PTPRQ: variants seen among roughly 807,000 people sequenced by gnomAD.
The protein encoded by PTPRQ is protein tyrosine phosphatase receptor type Q.
A neutral mutation model predicts 246.0 loss-of-function variants in PTPRQ; 199 were observed. The ratio of observed to expected loss-of-function variants is 0.81; its 90% CI spans 0.72 to 0.91. The LOEUF (loss-of-function observed/expected upper bound fraction) is 0.91. Among genes scored for constraint, PTPRQ ranks in the 40% least tolerant of loss-of-function variants. The probability of loss-of-function intolerance (pLI) is 0.00; values close to 1 mark genes in which losing one functional copy is unlikely to be tolerated. For synonymous variants in PTPRQ, 869 were observed against 853.2 expected, an observed-to-expected ratio of 1.02 and a Z score of -0.32; for missense variants, 2,624 against 2,528.4, an observed-to-expected ratio of 1.04 and a Z score of -0.81.
intron 42 of PTPRQ, 26 bp from the exon 43 acceptor site, chr12:80,673,143 T>C: frequency 6.5e-7 from 1 of 1,548,546 alleles, no homozygotes; most frequent in Non-Finnish European, 8.7e-7. Flanking sequence ...GCTGAATAAT[T>C]TTCATGTAAT....
intron 3 of PTPRQ, among the ~76,000 whole-genome samples, chr12:80,450,354 T>C (rs1892714601): frequency 6.6e-6 from 1 of 152,184 alleles, no homozygotes; most frequent in Non-Finnish European, 1.5e-5. Context: ...CTTTTCCTAA[T>C]TGAATACCCT....
intron 25 of PTPRQ, among the ~76,000 whole-genome samples, chr12:80,575,954 C>T (rs911319753): frequency 6.6e-6 from 1 of 152,046 alleles, no homozygotes; most frequent in Non-Finnish European, 1.5e-5. Context: ...CCCAACCTCA[C>T]ACCATCCTTT....
intron 22 of PTPRQ, 116 bp downstream of exon 22, chr12:80,542,480 T>TA (rs1896185446): frequency 1.4e-6 from 2 of 1,382,430 alleles, no homozygotes; most frequent in African/African-American, 1.5e-5. Flanking sequence ...GTAACAGCCT[T>TA]ACCATTATAT....
At chr12:80,528,330 A>G (rs1031853692) in intron 17 of PTPRQ, among the ~76,000 whole-genome samples, 5 of 152,178 alleles carry the variant, frequency 3.3e-5, no homozygotes, top group African/African-American at 4.8e-5. Context: ...ATGGGATGAT[A>G]ATATGTGGCT....
chr12:80,493,524 C>A (rs998569772), intron 10 of PTPRQ, 69 bp downstream of exon 10: 23 of 1,451,018 alleles, frequency 1.6e-5, no homozygotes, highest in Admixed American at 2.6e-5. Flanking sequence ...AGAAATGAAC[C>A]TAAGCTTAGA....
chr12:80,560,365 C>T (rs1379122271), intron 25 of PTPRQ, among the ~76,000 whole-genome samples: 3 of 152,188 alleles, frequency 2.0e-5, no homozygotes, highest in African/African-American at 7.2e-5. Flanking sequence ...TTAAATTCTT[C>T]ACATCACTTG....
In PTPRQ at chr12:80,575,839, CAAAAAAAAAA is replaced by C. The variant is rs201432092; in HGVS notation, c.4286-12281_4286-12272del. Reference sequence around the variant, plus strand: ...GGGCAACAAGAGCGAAACCCCATCTCAAAAAAAAAAAAAAAAAAGAAAAAAGAAAAAGAAA... The same window carrying C: ...GGGCAACAAGAGCGAAACCCCATCTCAAAAAAAAGAAAAAAGAAAAAGAAA... On this transcript the variant is annotated intron_variant, in intron 25 of 44. Transcript: ENST00000644991. Among the ~76,000 whole-genome samples the C allele has an allele frequency of 2.3e-4, 11 of 47,142 alleles. No individual in the cohort carries two copies. The South Asian group carries it at 3.7e-3, about 16-fold the overall frequency. The allele number at this position is 47,142 out of a possible 152,430, so 30.9% of individuals were successfully genotyped here.
At chr12:80,627,216 T>C (rs1899233604) in intron 33 of PTPRQ, among the ~76,000 whole-genome samples, 1 of 151,922 alleles carries the variant, frequency 6.6e-6, no homozygotes, top group Admixed American at 6.6e-5. Flanking sequence ...CTCTATTTCT[T>C]GACTTATGGA....
chr12:80,593,386 A>G (rs181528025), intron 26 of PTPRQ, among the ~76,000 whole-genome samples: 2,267 of 152,322 alleles, frequency 0.015, 30 homozygotes, highest in Non-Finnish European at 0.025. Flanking sequence ...AAGAGCATCA[A>G]AATTGAAGAT....
chr12:80,492,969 C>A (rs1183251443), intron 9 of PTPRQ, among the ~76,000 whole-genome samples: 1 of 151,852 alleles, frequency 6.6e-6, no homozygotes, highest in East Asian at 1.9e-4. Context: ...AGTCATGAAA[C>A]CTTTGCATGA....
chr12:80,584,112 A>G (rs1592684728), intron 25 of PTPRQ: 2 of 152,168 alleles, frequency 1.3e-5, no homozygotes, highest in East Asian at 3.9e-4. Flanking sequence ...ATAGCTCTCT[A>G]TTTTAAAGTA....
At chr12:80,640,686 T>A (rs1410838462) in intron 35 of PTPRQ, among the ~76,000 whole-genome samples, 1 of 152,356 alleles carries the variant, frequency 6.6e-6, no homozygotes, top group South Asian at 2.1e-4. Flanking sequence ...GTGTGCTCTA[T>A]ATTTTAAAAT....
Position 80,445,482 on chromosome 12 carries a change from TAA to T in PTPRQ, c.164-5_164-4del. The T allele has an allele frequency of 6.7e-7, 1 of 1,492,692 alleles. No homozygotes were observed. Among genetic ancestry groups the T allele is most frequent in the Non-Finnish European group, 8.9e-7 (1 of 1,118,982 alleles). 92.5% of individuals were successfully genotyped at this position (1,492,692 alleles called of 1,614,324 possible). ...TGACCTTTTAACAAAATGGATTTTT[TAA>T]AAATAGAACCAGGGCCTCCAGTCTT... is the stretch of plus-strand genomic sequence containing the variant. On this transcript the variant is annotated splice_polypyrimidine_tract_variant and splice_region_variant and intron_variant, in intron 2 of 44. Transcript: ENST00000644991.
chr12:80,508,163 A>T (rs1200666207), intron 16 of PTPRQ, among the ~76,000 whole-genome samples: 1 of 152,000 alleles, frequency 6.6e-6, no homozygotes, highest in African/African-American at 2.4e-5. Context: ...TGGCCAAGTC[A>T]TATGATTTCT....
Position 80,472,093 on chromosome 12 carries a change from C to T in PTPRQ, c.1040-12C>T, listed in dbSNP as rs1360315159. The stretch of plus-strand genomic sequence containing the variant: ...TAAAAAATAATCCATAGCTATCTTC[C>T]ACTTTTTGCAGGTCGCATTTTGGAT... On this transcript the variant is annotated splice_polypyrimidine_tract_variant and intron_variant, in intron 7 of 44. Transcript: ENST00000644991. 5.8e-6 allele frequency: 9 copies of T among 1,550,614 alleles called. No individual in the cohort carries two copies. The Admixed American group carries it at 5.9e-5, about 10-fold the overall frequency.
At chr12:80,543,334 C>CT (rs1393175662) in intron 23 of PTPRQ, among the ~76,000 whole-genome samples, 23 of 26,476 alleles carry the variant, frequency 8.7e-4, no homozygotes, top group Non-Finnish European at 2.2e-3. Flanking sequence ...ACGATATATC[C>CT]TTATTTTTTT....
chr12:80,639,848 A>T (rs771304510), intron 35 of PTPRQ, among the ~76,000 whole-genome samples: 3 of 152,170 alleles, frequency 2.0e-5, no homozygotes, highest in Non-Finnish European at 2.9e-5. Flanking sequence ...TAAACTCTGC[A>T]TGTAGTGATT....
At chr12:80,446,076 G>A (rs547995201) in intron 3 of PTPRQ, among the ~76,000 whole-genome samples, 1 of 151,848 alleles carries the variant, frequency 6.6e-6, no homozygotes, top group East Asian at 1.9e-4. Flanking sequence ...TTGAATGCAG[G>A]TATGTAAACC....
In PTPRQ at chr12:80,619,394, A is replaced by G; in HGVS notation, c.5241A>G (p.Arg1747=). The change falls in exon 31 of 45, where the codon CGA becomes CGG. Residue 1747 remains arginine (R), a synonymous_variant. Coordinates refer to ENST00000644991, the MANE Select transcript of PTPRQ (RefSeq NM_001145026.2). ...CTTCTTTGTTTATAGCTCCAGCACG[A>G]CCAAAAACCAAACCAACCCCTATTT... ...RITMDIKAPA[R]PKTKPTPIYD... 1 of 1,547,272 alleles carries G rather than the reference A, an allele frequency of 6.5e-7. No homozygotes were observed. Among genetic ancestry groups the G allele is most frequent in the Non-Finnish European group, 8.7e-7 (1 of 1,144,296 alleles).
Sources: gnomAD v4.1 joint callset for allele counts (sites outside exome capture counted in the v4.1 genomes callset) on GRCh38, gnomAD v4.1.1 for gene constraint, MANE v1.5 for transcripts, NCBI Gene and HGNC (gene_info 2026-07-23, HGNC 2026-07-21) for gene names.